PSMB5: variants seen among roughly 807,000 people sequenced by gnomAD.
PSMB5 encodes the protein proteasome subunit beta type-5.
PSMB5 carries 2 observed loss-of-function variants against 22.8 expected under a neutral mutation model. The ratio of observed to expected loss-of-function variants is 0.09; its 90% CI spans 0.04 to 0.28. PSMB5 has a LOEUF of 0.28. Among genes scored for constraint, PSMB5 ranks in the 10% least tolerant of loss-of-function variants. PSMB5 has a pLI of 1.00. For synonymous variants in PSMB5, 133 were observed against 135.3 expected (o/e 0.98, Z 0.12); for missense variants, 269 against 343.8 (o/e 0.78, Z 1.72).
At chr14:23,027,705 C>T (rs1319861026) in intron 2 of PSMB5, 2 of 1,414,656 alleles carry the variant, frequency 1.4e-6, no homozygotes, top group East Asian at 2.6e-5. Flanking sequence ...CAGGATTCTA[C>T]AACATACCAC....
Position 23,034,463 on chromosome 14 carries a change from T to C in PSMB5, c.198+221A>G, listed in dbSNP as rs565045414. 1.6e-4 allele frequency: 91 copies of C among 570,632 alleles called. 1 individual carries two copies. In the East Asian group the frequency reaches 1.9e-3, roughly 12 times the overall value. 35.3% of individuals were successfully genotyped at this position (570,632 alleles called of 1,614,324 possible). A position where few individuals can be genotyped will look rare whatever the true frequency, so the allele number is the denominator to read the frequency against. On this transcript the variant is annotated intron_variant, in intron 1 of 2. Coordinates refer to ENST00000361611, the MANE Select transcript of PSMB5 (RefSeq NM_002797.5). ...ATCAACCCAAGAGGCCTCACCTTCC[T>C]CCCCCGACTTACCCCCGGCCCCACC...
chr14:23,034,871 G>A lies in PSMB5; in HGVS notation c.11C>T (p.Ala4Val), dbSNP rs2046980645. 2 of 1,614,104 alleles carry A rather than the reference G, an allele frequency of 1.2e-6. No homozygotes were observed. The highest frequency in any genetic ancestry group is 1.3e-5 in the African/African-American group (1 of 75,042). Reference protein sequence around the residue: MALASVLERPLPVN... With the variant: MALVSVLERPLPVN... ...CGGTAGCGGTCTCTCCAACACGCTG[G>A]CAAGCGCCATGTCTAGTGTGGGCAG... The change falls in exon 1 of 3, where the codon GCC (alanine) becomes GTC (valine). Residue 4 changes from alanine (A) to valine (V), a missense_variant. This residue lies in a region of PSMB5 where 81 missense variants were observed against 70.4 expected (regional missense o/e 1.15). Transcript: ENST00000361611.
At chr14:23,033,907 A>G (rs1332962978) in intron 1 of PSMB5, among the ~76,000 whole-genome samples, 1 of 152,066 alleles carries the variant, frequency 6.6e-6, no homozygotes, top group Non-Finnish European at 1.5e-5. Context: ...GTGGTGGCTC[A>G]CTCCTGTAAC....
intron 2 of PSMB5, among the ~76,000 whole-genome samples, chr14:23,026,741 C>T (rs983280638): frequency 6.6e-6 from 1 of 150,766 alleles, no homozygotes; most frequent in African/African-American, 2.4e-5. Context: ...TGAGCCACCT[C>T]GCCCGGCCAG....
At chr14:23,034,382 T>C (rs1041176554) in intron 1 of PSMB5, 20 of 345,368 alleles carry the variant, frequency 5.8e-5, no homozygotes, top group Admixed American at 1.3e-4. Context: ...TCATTGTTGT[T>C]GCGGCCTTTC....
intron 2 of PSMB5, 88 bp from the exon 3 acceptor site, chr14:23,026,463 T>A: frequency 6.6e-7 from 1 of 1,514,760 alleles, no homozygotes; most frequent in Non-Finnish European, 8.8e-7. Flanking sequence ...AGTTCTTTTT[T>A]TTTGAGATGG....
At chr14:23,032,600 T>C (rs2046960978) in intron 2 of PSMB5, among the ~76,000 whole-genome samples, 1 of 151,702 alleles carries the variant, frequency 6.6e-6, no homozygotes. Flanking sequence ...CGAATTCTTT[T>C]TTTTGTTTTT....
At chr14:23,026,536 G>A (rs939105353) in intron 2 of PSMB5, among the ~76,000 whole-genome samples, 161 bp from the exon 3 acceptor site, 2 of 151,580 alleles carry the variant, frequency 1.3e-5, no homozygotes, top group African/African-American at 4.8e-5. Flanking sequence ...CACAACCTCC[G>A]CCTCCTGGGT....
chr14:23,029,618 C>T (rs1036694542), intron 2 of PSMB5, among the ~76,000 whole-genome samples: 1 of 152,210 alleles, frequency 6.6e-6, no homozygotes, highest in Non-Finnish European at 1.5e-5. Flanking sequence ...ACAATCTCAG[C>T]TTACTGCAAC....
At chr14:23,029,880 C>A (rs2046940793) in intron 2 of PSMB5, among the ~76,000 whole-genome samples, 1 of 151,606 alleles carries the variant, frequency 6.6e-6, no homozygotes, top group South Asian at 2.1e-4. Flanking sequence ...CTCCTGGGTT[C>A]ACGCCATTCT....
In PSMB5 at chr14:23,033,667, T is replaced by C. The variant is rs770136155; in HGVS notation, c.206A>G (p.His69Arg). 79 of 1,606,398 alleles carry C rather than the reference T, an allele frequency of 4.9e-5. 1 individual carries two copies. The highest frequency in any genetic ancestry group is 1.8e-4 in the East Asian group (8 of 44,618). The change falls in exon 2 of 3, where the codon CAT becomes CGT. Residue 69 changes from histidine (H) to arginine (R), a missense_variant. By Grantham distance (29) the His-to-Arg change is conservative. Transcript: ENST00000361611. Reference protein sequence around the residue: ...GTTTLAFKFRHGVIVAADSRA... With the variant: ...GTTTLAFKFRRGVIVAADSRA... ...GGAGTCAGCTGCAACTATGACTCCA[T>C]GGCGGAACTGTTAAGATCAGAGGAA... is the stretch of plus-strand genomic sequence containing the variant.
At chr14:23,030,889 C>T (rs2046948382) in intron 2 of PSMB5, among the ~76,000 whole-genome samples, 1 of 152,136 alleles carries the variant, frequency 6.6e-6, no homozygotes, top group Admixed American at 6.6e-5. Context: ...CGCGCCATTG[C>T]ACTCCAGCAT....
At chr14:23,027,380 C>CAAAA (rs768416022) in intron 2 of PSMB5, among the ~76,000 whole-genome samples, 2 of 113,816 alleles carry the variant, frequency 1.8e-5, no homozygotes, top group African/African-American at 6.5e-5. Context: ...GACTTTGTCT[C>CAAAA]AAAAAAAAAA....
upstream of PSMB5, chr14:23,035,181 G>GA (rs757685644): frequency 1.6e-5 from 6 of 372,268 alleles, no homozygotes; most frequent in Non-Finnish European, 2.4e-5. Flanking sequence ...GGAAGTGACT[G>GA]AAAACGTCCA....
At chr14:23,030,848 C>T (rs918026379) in intron 2 of PSMB5, among the ~76,000 whole-genome samples, 5 of 152,102 alleles carry the variant, frequency 3.3e-5, no homozygotes, top group African/African-American at 1.2e-4. Context: ...TCACTTGAAC[C>T]CAGGAGGTGG....
rs766617569 is a variant in PSMB5, at chr14:23,026,143, G to C, written c.738C>G (p.Val246=). Reference sequence around the variant, plus strand: ...GTAGATCAGCCACATTGTCACTGGAGACTCGGATCCAGCCATCCTCCCGCA... The same window carrying C: ...GTAGATCAGCCACATTGTCACTGGACACTCGGATCCAGCCATCCTCCCGCA... ...YHVREDGWIR[V]SSDNVADLHE... is the part of the protein sequence containing the mutation. The change falls in exon 3 of 3, where the codon GTC becomes GTG. Residue 246 remains valine, a synonymous_variant. Transcript: ENST00000361611. 6.2e-7 allele frequency: 1 copy of C among 1,614,164 alleles called. No homozygotes were observed. Among genetic ancestry groups the C allele is most frequent in the South Asian group, 1.1e-5 (1 of 91,070 alleles).
intron 2 of PSMB5, among the ~76,000 whole-genome samples, chr14:23,027,997 G>C (rs1180209261): frequency 6.6e-6 from 1 of 152,238 alleles, no homozygotes; most frequent in East Asian, 1.9e-4. Flanking sequence ...TACAAAATTA[G>C]CCAGGCGTGG....
In PSMB5 at chr14:23,026,126, G is replaced by A; in HGVS notation, c.755C>T (p.Ala252Val). Residue 252 changes from alanine to valine, a missense_variant, in exon 3 of 3, where the codon GCT (alanine) becomes GTT (valine). Around this residue, in one of 3 missense-constraint regions of PSMB5, gnomAD observed 113 missense variants for 130.2 expected, o/e 0.87. Transcript: ENST00000361611. Reference sequence around the variant, plus strand: ...GCCACTATACTTCTCATGTAGATCAGCCACATTGTCACTGGAGACTCGGAT... The same window carrying A: ...GCCACTATACTTCTCATGTAGATCAACCACATTGTCACTGGAGACTCGGAT... ...GWIRVSSDNV[A>V]DLHEKYSGST... 1 of 1,614,136 alleles carries A rather than the reference G, an allele frequency of 6.2e-7. No homozygotes were observed. Among genetic ancestry groups the A allele is most frequent in the South Asian group, 1.1e-5 (1 of 91,074 alleles).
At chr14:23,033,225 A>G (rs550428493) in intron 2 of PSMB5, 143 bp downstream of exon 2, 5 of 360,100 alleles carry the variant, frequency 1.4e-5, no homozygotes, top group East Asian at 1.5e-4. Context: ...AAAAAACAGG[A>G]AAAAAAAAAA....
Sources: allele counts gnomAD v4.1 joint callset (sites outside exome capture counted in the v4.1 genomes callset), GRCh38; gene constraint gnomAD v4.1.1; regional missense constraint gnomAD v4.1.1; transcripts MANE v1.5; gene names NCBI Gene and HGNC (gene_info 2026-07-23, HGNC 2026-07-21).